PLS1: variants seen among roughly 807,000 people sequenced by gnomAD.
PLS1 encodes the protein plastin 1.
In PLS1, 32 loss-of-function variants were observed where a neutral mutation model predicts 73.7. The ratio of observed to expected loss-of-function variants is 0.43; its 90% CI spans 0.33 to 0.58. The LOEUF is 0.58. Among genes scored for constraint, PLS1 ranks in the 20% least tolerant of loss-of-function variants. PLS1 has a pLI of 0.04. For missense variants in PLS1, 633 were observed against 740.5 expected, an observed-to-expected ratio of 0.85 and a Z score of 1.68; for synonymous variants, 217 against 261.3, an observed-to-expected ratio of 0.83 and a Z score of 1.63.
At chr3:142,662,947 C>T (rs769135786) in intron 1 of PLS1, among the ~76,000 whole-genome samples, 25 of 152,166 alleles carry the variant, frequency 1.6e-4, no homozygotes, top group Non-Finnish European at 2.6e-4. Flanking sequence ...AGTGGCTCAG[C>T]GTCTGTAATC....
intron 1 of PLS1, among the ~76,000 whole-genome samples, chr3:142,612,801 T>C (rs994772004): frequency 6.6e-6 from 1 of 152,134 alleles, no homozygotes; most frequent in East Asian, 1.9e-4. Context: ...AGACAGAGTA[T>C]CAGTCTGTCA....
chr3:142,664,394 C>T, intron 2 of PLS1, 87 bp downstream of exon 2: 1 of 649,404 alleles, frequency 1.5e-6, no homozygotes, highest in Non-Finnish European at 2.7e-6. Flanking sequence ...ATTTCATCTA[C>T]CACCACCCAA....
In PLS1 at chr3:142,689,828, C is replaced by T. The variant is rs768935783; in HGVS notation, c.1177+15C>T. ...TTTACTGGAAGGTGCGTTCTTTCTGCCTTTAATTGACTTGCTATATTTATC... is the reference window on the plus strand; with the variant it reads ...TTTACTGGAAGGTGCGTTCTTTCTGTCTTTAATTGACTTGCTATATTTATC... On this transcript the variant is annotated intron_variant, in intron 10 of 15. Transcript: ENST00000457734. The T allele has an allele frequency of 2.9e-5, 43 of 1,501,742 alleles. No homozygotes were observed. The highest frequency in any genetic ancestry group is 3.6e-5 in the Non-Finnish European group (40 of 1,102,348). 93.0% of individuals were successfully genotyped at this position (1,501,742 alleles called of 1,614,324 possible).
At chr3:142,633,635 G>T (rs771981236) in intron 1 of PLS1, among the ~76,000 whole-genome samples, 1 of 151,772 alleles carries the variant, frequency 6.6e-6, no homozygotes, top group African/African-American at 2.4e-5. Context: ...CAGCCTGGGC[G>T]AGAAGAGCGA....
chr3:142,621,717 A>C (rs954601922), intron 1 of PLS1, among the ~76,000 whole-genome samples: 1 of 152,230 alleles, frequency 6.6e-6, no homozygotes, highest in Non-Finnish European at 1.5e-5. Flanking sequence ...TTAATGCTGC[A>C]TATTGCTTTT....
In PLS1 at chr3:142,678,012, T is replaced by A; in HGVS notation, c.498-20T>A. 7.8e-7 allele frequency: 1 copy of A among 1,282,610 alleles called. No individual in the cohort carries two copies. The highest frequency in any genetic ancestry group is 1.1e-6 in the Non-Finnish European group (1 of 915,266). The allele number at this position is 1,282,610 out of a possible 1,614,324, so 79.5% of individuals were successfully genotyped here. On this transcript the variant is annotated intron_variant, in intron 5 of 15. Transcript: ENST00000457734. ...AATTTCTTGGAGTATTAAACTAAAT[T>A]ATTCTCATTTTCTCTTTAGCAAAAT...
chr3:142,613,181 A>C (rs781460364), intron 1 of PLS1, among the ~76,000 whole-genome samples: 2 of 151,764 alleles, frequency 1.3e-5, no homozygotes, highest in Non-Finnish European at 2.9e-5. Context: ...TTTCCCATTT[A>C]AGTTCTGGGC....
chr3:142,686,771 A>C (rs2037978142), intron 9 of PLS1, among the ~76,000 whole-genome samples: 1 of 152,176 alleles, frequency 6.6e-6, no homozygotes, highest in African/African-American at 2.4e-5. Context: ...CCAAGCCTCC[A>C]TGTCAAGCCA....
intron 1 of PLS1, chr3:142,656,553 C>A (rs2037241471): frequency 6.6e-6 from 1 of 152,194 alleles, no homozygotes; most frequent in African/African-American, 2.4e-5. Context: ...AATATGAATA[C>A]TTACTTTTTC....
intron 1 of PLS1, among the ~76,000 whole-genome samples, chr3:142,615,989 C>T (rs369679486): frequency 2.6e-5 from 4 of 152,252 alleles, no homozygotes; most frequent in East Asian, 1.9e-4. Flanking sequence ...TTAACAAGCC[C>T]GTTTGGTGAT....
intron 12 of PLS1, chr3:142,698,369 G>T: frequency 5.0e-6 from 1 of 199,514 alleles, no homozygotes; most frequent in Non-Finnish European, 1.0e-5. Context: ...ATGTTTATTG[G>T]TTATCCACTC....
chr3:142,682,098 A>G (rs149982104), intron 6 of PLS1, among the ~76,000 whole-genome samples: 36 of 152,268 alleles, frequency 2.4e-4, no homozygotes, highest in Admixed American at 9.2e-4. Context: ...GCATCTGAGA[A>G]TTGGAATTGT....
At chr3:142,600,900 ATATATATATATATATATTTTTTT>A (rs2035906554) in intron 1 of PLS1, among the ~76,000 whole-genome samples, 1 of 29,626 alleles carries the variant, frequency 3.4e-5, no homozygotes, top group African/African-American at 2.1e-4. Context: ...ATATATATAT[ATATATATATATATATATTTTTTT>A]TTTTTTTTTT....
intron 1 of PLS1, among the ~76,000 whole-genome samples, chr3:142,653,601 C>T (rs560459721): frequency 4.6e-5 from 7 of 152,002 alleles, no homozygotes; most frequent in Admixed American, 3.3e-4. Flanking sequence ...TGAGCTCAAG[C>T]GATCTGCCCA....
At chr3:142,689,888 T>G in intron 10 of PLS1, 75 bp downstream of exon 10, 1 of 952,404 alleles carries the variant, frequency 1.0e-6, no homozygotes, top group South Asian at 1.8e-5. Flanking sequence ...CTGTCAGAGA[T>G]AGGGGATTGT....
chr3:142,639,174 T>C (rs2036775914), intron 1 of PLS1, among the ~76,000 whole-genome samples: 1 of 152,216 alleles, frequency 6.6e-6, no homozygotes, highest in Non-Finnish European at 1.5e-5. Context: ...GTGGTAGCAG[T>C]ACGTTTTCAG....
chr3:142,687,271 C>T (rs1264679400), intron 9 of PLS1, among the ~76,000 whole-genome samples: 1 of 150,696 alleles, frequency 6.6e-6, no homozygotes, highest in Non-Finnish European at 1.5e-5. Flanking sequence ...AGAAAGTTTA[C>T]AAATTTGTGT....
At chr3:142,691,945 G>T (rs1427002407) in intron 10 of PLS1, among the ~76,000 whole-genome samples, 1 of 152,058 alleles carries the variant, frequency 6.6e-6, no homozygotes, top group Non-Finnish European at 1.5e-5. Context: ...ATTACAGAAG[G>T]TACACAGGCC....
chr3:142,608,609 C>G (rs1279859586), intron 1 of PLS1, among the ~76,000 whole-genome samples: 2 of 152,228 alleles, frequency 1.3e-5, no homozygotes, highest in Admixed American at 6.5e-5. Context: ...AGCCTATACT[C>G]TGCTGCCTGC....
Sources: allele counts gnomAD v4.1 joint callset (sites outside exome capture counted in the v4.1 genomes callset), GRCh38; gene constraint gnomAD v4.1.1; transcripts MANE v1.5; gene names NCBI Gene and HGNC (gene_info 2026-07-23, HGNC 2026-07-21).